Variants in RGS10 observed in about 807,000 individuals in gnomAD.
RGS10 encodes the protein regulator of G-protein signalling 10.
A neutral mutation model predicts 23.5 loss-of-function variants in RGS10; 11 were observed. That is an observed-to-expected ratio of 0.47 (90% confidence interval 0.29 to 0.77). The LOEUF (loss-of-function observed/expected upper bound fraction) is 0.77. Ranked by LOEUF, RGS10 falls within the 30% of genes least tolerant of loss-of-function variation. The pLI is 0.08. For missense variants in RGS10, 180 were observed against 226.3 expected, an observed-to-expected ratio of 0.80 and a Z score of 1.31; for synonymous variants, 77 against 83.2, an observed-to-expected ratio of 0.92 and a Z score of 0.41.
chr10:119,506,889 C>T (rs910611147), intron 4 of RGS10, among the ~76,000 whole-genome samples: 4 of 152,162 alleles, frequency 2.6e-5, no homozygotes, highest in East Asian at 3.9e-4. Flanking sequence ...TTAGTAGAGA[C>T]GGGGTTTCAC....
chr10:119,516,965 C>T (rs1844151669), intron 3 of RGS10, among the ~76,000 whole-genome samples: 1 of 152,202 alleles, frequency 6.6e-6, no homozygotes, highest in Non-Finnish European at 1.5e-5. Flanking sequence ...GCAAGGCAGA[C>T]AACAAATGCC....
At position 119,524,854 on chromosome 10, in the gene RGS10, A is replaced by T. The variant is rs1446945951; in HGVS notation, c.255+1178T>A. Among the ~76,000 whole-genome samples the T allele has an allele frequency of 6.6e-6, 1 of 152,142 alleles. No individual in the cohort carries two copies. The highest frequency in any genetic ancestry group is 1.9e-4 in the East Asian group (1 of 5,174). On this transcript the variant is annotated intron_variant, in intron 3 of 4. Coordinates refer to ENST00000369103, the MANE Select transcript of RGS10 (RefSeq NM_001005339.2). The surrounding 1 kb of genome is among the most constrained non-coding windows in gnomAD (Gnocchi z 5.2). ...ACCTCCAGAGAGGAAGGTGGTGGAGAAAAGGCCGCGCTGCGCCATCCAGGA... is the reference window on the plus strand; with the variant it reads ...ACCTCCAGAGAGGAAGGTGGTGGAGTAAAGGCCGCGCTGCGCCATCCAGGA...
At chr10:119,506,365 C>T (rs780482871) in intron 4 of RGS10, among the ~76,000 whole-genome samples, 6 of 152,236 alleles carry the variant, frequency 3.9e-5, no homozygotes, top group African/African-American at 1.4e-4. Context: ...TCGCCTTGCA[C>T]GGCTCTCCAG....
At chr10:119,510,548 C>T (rs998457889) in intron 4 of RGS10, among the ~76,000 whole-genome samples, 5 of 152,146 alleles carry the variant, frequency 3.3e-5, no homozygotes, top group African/African-American at 7.2e-5. Context: ...CTCTGCCCTC[C>T]GTGTGGGGGC....
At chr10:119,512,704 C>G (rs547270853) in intron 4 of RGS10, among the ~76,000 whole-genome samples, 26 of 152,200 alleles carry the variant, frequency 1.7e-4, no homozygotes, top group African/African-American at 6.3e-4. Flanking sequence ...CCCACCACCA[C>G]GCCTGGCTAA....
chr10:119,535,966 A>T (rs149121818), intron 1 of RGS10, among the ~76,000 whole-genome samples: 10 of 152,316 alleles, frequency 6.6e-5, no homozygotes, highest in African/African-American at 9.6e-5. Context: ...TACATTTTTT[A>T]AAAAGTCCTC....
chr10:119,514,112 C>T (rs3009914), intron 4 of RGS10, among the ~76,000 whole-genome samples: 151,366 of 152,322 alleles, frequency 0.99, 75,215 homozygotes, highest in Middle Eastern at 1. Flanking sequence ...TCCCAGCACT[C>T]TGGGAGGCCG....
At chr10:119,540,610 C>T (rs1844426973) in intron 1 of RGS10, among the ~76,000 whole-genome samples, 1 of 152,154 alleles carries the variant, frequency 6.6e-6, no homozygotes. Context: ...AAATTTGTTG[C>T]CCTGAAATAA....
At chr10:119,513,934 T>TA (rs1018286837) in intron 4 of RGS10, among the ~76,000 whole-genome samples, 5 of 151,928 alleles carry the variant, frequency 3.3e-5, no homozygotes, top group East Asian at 1.9e-4. Context: ...GACTTAATGC[T>TA]AAAAAAAACA....
In RGS10 at chr10:119,527,835, CTATT is replaced by C. The variant is rs2133957112; in HGVS notation, c.50-415_50-412del. On this transcript the variant is annotated intron_variant, in intron 1 of 4. Transcript: ENST00000369103. The surrounding 1 kb of genome is among the most constrained non-coding windows in gnomAD (Gnocchi z 4.2). ...TTAGAATTATGGTGCTGTGTTGTGA[CTATT>C]TACATGACTGACTCCCACTAGTCTG... 6.6e-6 allele frequency among the ~76,000 whole-genome samples: 1 copy of C among 152,242 alleles called. No homozygotes were observed. The highest frequency in any genetic ancestry group is 2.1e-4 in the South Asian group (1 of 4,802).
chr10:119,511,830 A>G (rs1844079518), intron 4 of RGS10, among the ~76,000 whole-genome samples: 1 of 152,030 alleles, frequency 6.6e-6, no homozygotes, highest in African/African-American at 2.4e-5. Flanking sequence ...GCTTGTACTC[A>G]GTGTCATTTC....
intron 1 of RGS10, among the ~76,000 whole-genome samples, chr10:119,534,590 C>CAAAA (rs561361616): frequency 4.1e-5 from 3 of 72,958 alleles, no homozygotes; most frequent in East Asian, 4.3e-4. Context: ...GACTCTGTCT[C>CAAAA]AAAAAAAAAA....
At chr10:119,512,121 G>A (rs1036241793) in intron 4 of RGS10, among the ~76,000 whole-genome samples, 6 of 134,410 alleles carry the variant, frequency 4.5e-5, no homozygotes, top group African/African-American at 8.8e-5. Context: ...GAGAGCAGCG[G>A]AGCCGCACGT....
At chr10:119,501,689 C>T (rs1169996238) in intron 4 of RGS10, among the ~76,000 whole-genome samples, 1 of 151,856 alleles carries the variant, frequency 6.6e-6, no homozygotes, top group Non-Finnish European at 1.5e-5. Context: ...CACCACTGCA[C>T]TCCAGCCTGG....
Position 119,527,497 on chromosome 10 carries a change from C to A in RGS10, c.50-73G>T. On this transcript the variant is annotated intron_variant, in intron 1 of 4. Coordinates refer to ENST00000369103, the MANE Select transcript of RGS10 (RefSeq NM_001005339.2). The surrounding 1 kb of genome is among the most constrained non-coding windows in gnomAD (Gnocchi z 4.2). Reference sequence around the variant, plus strand: ...TTTTAAGAAATCTGCATGCAATGGTCAGCACTGCCGTCACCATCACGGCTG... The same window carrying A: ...TTTTAAGAAATCTGCATGCAATGGTAAGCACTGCCGTCACCATCACGGCTG... The A allele has an allele frequency of 8.9e-7, 1 of 1,121,304 alleles. No individual in the cohort carries two copies. The highest frequency in any genetic ancestry group is 1.3e-5 in the South Asian group (1 of 79,914). 69.5% of individuals were successfully genotyped at this position (1,121,304 alleles called of 1,614,324 possible).
At chr10:119,522,644 G>A (rs1844230598) in intron 3 of RGS10, among the ~76,000 whole-genome samples, 1 of 151,798 alleles carries the variant, frequency 6.6e-6, no homozygotes, top group Non-Finnish European at 1.5e-5. Context: ...CTTGAACCCG[G>A]GAGGCGGAGA....
At chr10:119,519,796 C>T (rs899321022) in intron 3 of RGS10, among the ~76,000 whole-genome samples, 22 of 152,094 alleles carry the variant, frequency 1.4e-4, no homozygotes, top group African/African-American at 2.2e-4. Flanking sequence ...TCCCCCAGCT[C>T]CTGTCTCCCT....
intron 4 of RGS10, among the ~76,000 whole-genome samples, chr10:119,504,660 GC>G (rs1843989782): frequency 6.6e-6 from 1 of 152,152 alleles, no homozygotes; most frequent in African/African-American, 2.4e-5. Flanking sequence ...TTTAGGGTAG[GC>G]CCTAAATCCA....
intron 3 of RGS10, among the ~76,000 whole-genome samples, chr10:119,519,765 C>T (rs1844191874): frequency 6.6e-6 from 1 of 151,166 alleles, no homozygotes; most frequent in Admixed American, 6.6e-5. Context: ...GTCTGTCTCC[C>T]AGCTTCTGTC....
Sources: gnomAD v4.1 joint callset for allele counts (sites outside exome capture counted in the v4.1 genomes callset) on GRCh38, gnomAD v4.1.1 for gene constraint, Gnocchi (gnomAD v3.1) non-coding constraint, MANE v1.5 for transcripts, NCBI Gene and HGNC (gene_info 2026-07-23, HGNC 2026-07-21) for gene names.